The following CASP8 variants were observed in gnomAD, a reference collection of about 807,000 sequenced individuals.
The protein encoded by CASP8 is caspase-8.
A neutral mutation model predicts 46.3 loss-of-function variants in CASP8; 24 were observed. The observed-to-expected ratio is 0.52, with a 90% CI of 0.38 to 0.73. CASP8 has a LOEUF of 0.73. CASP8 is among the 30% of genes least tolerant of loss of function. The pLI, the probability that CASP8 is intolerant of heterozygous loss-of-function variation, is 0.00. For synonymous variants in CASP8, 188 were observed against 200.4 expected (o/e 0.94, Z 0.52); for missense variants, 460 against 559.0 (o/e 0.82, Z 1.79).
intron 7 of CASP8, among the ~76,000 whole-genome samples, chr2:201,280,552 G>A (rs1425854646): frequency 1.5e-5 from 2 of 133,046 alleles, no homozygotes; most frequent in Admixed American, 1.5e-4. Context: ...TCAGAATTCT[G>A]AGGAAAAATG....
chr2:201,277,014 ATT>A, intron 7 of CASP8, 46 bp downstream of exon 7: 1 of 1,375,282 alleles, frequency 7.3e-7, no homozygotes. Context: ...TCTTATGCCT[ATT>A]TTTTTTTAAA....
intron 2 of CASP8, among the ~76,000 whole-genome samples, chr2:201,235,221 T>C (rs1945998774): frequency 6.6e-6 from 1 of 152,224 alleles, no homozygotes; most frequent in East Asian, 1.9e-4. Flanking sequence ...TTATGTGATA[T>C]TAGTATAATG....
chr2:201,273,253 T>C (rs1407242740), intron 5 of CASP8, among the ~76,000 whole-genome samples: 1 of 152,110 alleles, frequency 6.6e-6, no homozygotes, highest in Non-Finnish European at 1.5e-5. Flanking sequence ...GAGATGGGGT[T>C]TTACTATATT....
intron 2 of CASP8, among the ~76,000 whole-genome samples, chr2:201,237,446 AAAAAAAAAAAAGG>A (rs1946103346): frequency 6.6e-6 from 1 of 151,148 alleles, no homozygotes; most frequent in Admixed American, 6.6e-5. Flanking sequence ...AGTAAAAAAA[AAAAAAAAAAAAGG>A]AAAAAAGAAA....
At chr2:201,271,837 C>T (rs975257893) in intron 3 of CASP8, among the ~76,000 whole-genome samples, 9 of 152,142 alleles carry the variant, frequency 5.9e-5, no homozygotes, top group Admixed American at 4.6e-4. Context: ...AGTCAGAGGC[C>T]GGGAGAAGGA....
intron 2 of CASP8, among the ~76,000 whole-genome samples, chr2:201,267,736 T>G (rs949444010): frequency 6.6e-6 from 1 of 152,232 alleles, no homozygotes; most frequent in Non-Finnish European, 1.5e-5. Flanking sequence ...TCAGGAAACT[T>G]CTACTGAAGT....
At position 201,272,494 on chromosome 2, in the gene CASP8, G is replaced by C; in HGVS notation, c.412-144G>C. ...TCGCTTCCCTAGTAGCCTGCTGGCT[G>C]TGAGAGACCAGCAGAAACTGTCAGA... On this transcript the variant is annotated intron_variant, in intron 3 of 8. Coordinates refer to ENST00000673742, the MANE Select transcript of CASP8 (RefSeq NM_001372051.1). The surrounding 1 kb of genome is among the most constrained non-coding windows in gnomAD (Gnocchi z 4.4). 1 of 861,154 alleles carries C rather than the reference G, an allele frequency of 1.2e-6. No homozygotes were observed. The highest frequency in any genetic ancestry group is 1.9e-6 in the Non-Finnish European group (1 of 536,222). The allele number at this position is 861,154 out of a possible 1,614,324, so 53.3% of individuals were successfully genotyped here.
intron 2 of CASP8, among the ~76,000 whole-genome samples, chr2:201,250,610 C>A (rs1264081572): frequency 6.6e-6 from 1 of 152,194 alleles, no homozygotes; most frequent in Non-Finnish European, 1.5e-5. Context: ...GGGGATGGTG[C>A]TAAACTATTA....
At chr2:201,257,076 C>A (rs34002302), upstream of CASP8, among the ~76,000 whole-genome samples, 18 of 151,378 alleles carry the variant, frequency 1.2e-4, no homozygotes, top group East Asian at 3.5e-3. Context: ...ACCCGGGAGG[C>A]GGAGGTTGCT....
chr2:201,268,909 TTGTGTGTG>T (rs58087434), intron 2 of CASP8, among the ~76,000 whole-genome samples: 1,919 of 131,624 alleles, frequency 0.015, 47 homozygotes, highest in African/African-American at 0.049. Flanking sequence ...GGCCTCATCT[TTGTGTGTG>T]TGTGTGTGTG....
chr2:201,247,387 G>C (rs1404583174), intron 2 of CASP8, among the ~76,000 whole-genome samples: 10 of 151,952 alleles, frequency 6.6e-5, no homozygotes, highest in African/African-American at 2.2e-4. Context: ...TAGCATCCAT[G>C]CTGAAGGCGC....
chr2:201,286,909 G>A lies in CASP8; in HGVS notation c.*315G>A, dbSNP rs543599351. On this transcript the variant is annotated 3_prime_UTR_variant, in exon 9 of 9. Coordinates refer to ENST00000673742, the MANE Select transcript of CASP8 (RefSeq NM_001372051.1). ...GCTGGGATTACAGGCGTGAGCCACC[G>A]CGCCTGGCCGATGGTACTATTTAGA... 8 of 348,948 alleles carry A rather than the reference G, an allele frequency of 2.3e-5. No individual in the cohort carries two copies. The highest frequency in any genetic ancestry group is 1.1e-4 in the African/African-American group (5 of 47,378). The allele number at this position is 348,948 out of a possible 1,614,324, so 21.6% of individuals were successfully genotyped here.
At position 201,286,474 on chromosome 2, in the gene CASP8, C is replaced by T. The variant is rs780627327; in HGVS notation, c.1320C>T (p.Leu440=). The T allele has an allele frequency of 6.2e-6, 10 of 1,612,488 alleles. No homozygotes were observed. Among genetic ancestry groups the T allele is most frequent in the South Asian group, 1.1e-5 (1 of 91,048 alleles). ...RERCPRGDDI[L]TILTEVNYEV... ...TGTATTTCAGAGGCGATGATATTCTCACCATCCTGACTGAAGTGAACTATG... is the reference window on the plus strand; with the variant it reads ...TGTATTTCAGAGGCGATGATATTCTTACCATCCTGACTGAAGTGAACTATG... Residue 440 remains leucine, a synonymous_variant, in exon 9 of 9, where the codon CTC becomes CTT. Coordinates refer to ENST00000673742, the MANE Select transcript of CASP8 (RefSeq NM_001372051.1).
upstream of CASP8, among the ~76,000 whole-genome samples, chr2:201,257,087 G>T (rs748001259): frequency 2.6e-5 from 4 of 152,104 alleles, no homozygotes; most frequent in Non-Finnish European, 4.4e-5. Flanking sequence ...GGAGGTTGCT[G>T]TGAGCCGAGA....
intron 8 of CASP8, among the ~76,000 whole-genome samples, chr2:201,286,082 T>G (rs1201560467): frequency 6.6e-6 from 1 of 152,198 alleles, no homozygotes; most frequent in African/African-American, 2.4e-5. Flanking sequence ...TTTAATTGCA[T>G]CAAAGATGAA....
intron 2 of CASP8, chr2:201,240,701 G>A (rs1946262155): frequency 6.6e-6 from 1 of 152,122 alleles, no homozygotes; most frequent in African/African-American, 2.4e-5. Context: ...TACACAGAAC[G>A]TTCCACCCTA....
At chr2:201,273,385 C>A (rs1025155613) in intron 5 of CASP8, among the ~76,000 whole-genome samples, 1 of 152,072 alleles carries the variant, frequency 6.6e-6, no homozygotes. Context: ...GACCTGTAGC[C>A]CAAGCTGGCA....
At chr2:201,277,026 A>G (rs1172882586) in intron 7 of CASP8, 58 bp downstream of exon 7, 1 of 1,262,616 alleles carries the variant, frequency 7.9e-7, no homozygotes, top group African/African-American at 1.5e-5. Context: ...TTTTTTTTAA[A>G]TCAAAAGGGA....
At chr2:201,267,967 C>G (rs1947943250) in intron 2 of CASP8, among the ~76,000 whole-genome samples, 1 of 152,152 alleles carries the variant, frequency 6.6e-6, no homozygotes, top group Non-Finnish European at 1.5e-5. Context: ...CGCTTCATCA[C>G]CCAGGCTAGA....
Sources: allele counts gnomAD v4.1 joint callset (sites outside exome capture counted in the v4.1 genomes callset), GRCh38; gene constraint gnomAD v4.1.1; non-coding constraint Gnocchi (gnomAD v3.1); transcripts MANE v1.5; gene names NCBI Gene and HGNC (gene_info 2026-07-23, HGNC 2026-07-21).